TRPM7: variants seen among roughly 807,000 people sequenced by gnomAD.
TRPM7 encodes the protein transient receptor potential cation channel subfamily M member 7.
TRPM7 carries 134 observed loss-of-function variants against 229.7 expected under a neutral mutation model. The ratio of observed to expected loss-of-function variants is 0.58; its 90% CI spans 0.51 to 0.67. The LOEUF (loss-of-function observed/expected upper bound fraction) is 0.67, where lower values mean the gene tolerates loss of function less well. Ranked by LOEUF, TRPM7 falls within the 30% of genes least tolerant of loss-of-function variation. TRPM7 has a pLI of 0.00. For missense variants in TRPM7, 1,901 were observed against 2,210.0 expected, an observed-to-expected ratio of 0.86 and a Z score of 2.80; for synonymous variants, 699 against 715.2, an observed-to-expected ratio of 0.98 and a Z score of 0.36.
At chr15:50,598,993 A>G in intron 22 of TRPM7, 129 bp downstream of exon 22, 1 of 668,516 alleles carries the variant, frequency 1.5e-6, no homozygotes, top group Non-Finnish European at 2.5e-6. Flanking sequence ...GGAGTTCACT[A>G]ACGCCTTTGT....
intron 1 of TRPM7, among the ~76,000 whole-genome samples, chr15:50,667,594 C>G (rs1031708294): frequency 2.0e-5 from 3 of 152,196 alleles, no homozygotes; most frequent in African/African-American, 7.2e-5. Flanking sequence ...GTAATCCCAG[C>G]TGCTAGGGAA....
At chr15:50,649,844 G>A (rs925419441) in intron 3 of TRPM7, among the ~76,000 whole-genome samples, 2 of 152,164 alleles carry the variant, frequency 1.3e-5, no homozygotes, top group African/African-American at 4.8e-5. Flanking sequence ...AAAGAGGAGG[G>A]AGCTACAACG....
chr15:50,575,999 A>G, intron 31 of TRPM7, 80 bp from the exon 32 acceptor site: 1 of 1,398,830 alleles, frequency 7.1e-7, no homozygotes, highest in East Asian at 2.3e-5. Context: ...ATCTCATAAA[A>G]TCATTTTGAA....
chr15:50,589,888 C>T (rs1428689078), intron 26 of TRPM7, among the ~76,000 whole-genome samples: 3 of 130,142 alleles, frequency 2.3e-5, no homozygotes, highest in African/African-American at 5.1e-5. Context: ...GAACAAGTCT[C>T]GTTCTGTTGC....
chr15:50,645,669 G>A (rs1253388396), intron 4 of TRPM7, among the ~76,000 whole-genome samples: 2 of 152,084 alleles, frequency 1.3e-5, no homozygotes, highest in African/African-American at 2.4e-5. Context: ...TATCAGTTTT[G>A]TTTAACTCAT....
At chr15:50,670,577 A>C (rs72740470) in intron 1 of TRPM7, among the ~76,000 whole-genome samples, 4,767 of 152,186 alleles carry the variant, frequency 0.031, 103 homozygotes, top group Middle Eastern at 0.1. Context: ...AACATTCAGA[A>C]GTTACCCTAT....
At position 50,633,381 on chromosome 15, in the gene TRPM7, A is replaced by G. The variant is rs192830957; in HGVS notation, c.1008-389T>C. On this transcript the variant is annotated intron_variant, in intron 8 of 38. Transcript: ENST00000646667. ...ATACTTAATACATTTTCATGGCTCAAAAATAGTAGAAAACATAAAATGTTA... is the reference window on the plus strand; with the variant it reads ...ATACTTAATACATTTTCATGGCTCAGAAATAGTAGAAAACATAAAATGTTA... Among the ~76,000 whole-genome samples, 358 of 152,324 alleles carry G rather than the reference A, an allele frequency of 2.4e-3. 1 individual carries two copies. Among genetic ancestry groups the G allele is most frequent in the African/African-American group, 8.0e-3 (333 of 41,594 alleles).
chr15:50,561,818 A>C lies in TRPM7; in HGVS notation c.5468-10T>G. ...TCATTCCTCTTCAGATCTACATTGA[A>C]CACCCACAACAATTAAAAAAAAAAA... On this transcript the variant is annotated splice_polypyrimidine_tract_variant and intron_variant, in intron 38 of 38. Transcript: ENST00000646667. The C allele has an allele frequency of 6.6e-7, 1 of 1,522,288 alleles. No individual in the cohort carries two copies. Among genetic ancestry groups the C allele is most frequent in the Non-Finnish European group, 8.8e-7 (1 of 1,139,832 alleles). 94.3% of individuals were successfully genotyped at this position (1,522,288 alleles called of 1,614,324 possible).
At chr15:50,685,198 C>G (rs1322217615) in intron 1 of TRPM7, among the ~76,000 whole-genome samples, 1 of 152,212 alleles carries the variant, frequency 6.6e-6, no homozygotes, top group East Asian at 1.9e-4. Flanking sequence ...CGCGGTGGCT[C>G]ACGCCTGTAA....
At position 50,657,414 on chromosome 15, in the gene TRPM7, T is replaced by C. The variant is rs529242989; in HGVS notation, c.122+367A>G. 2.0e-5 allele frequency among the ~76,000 whole-genome samples: 3 copies of C among 152,338 alleles called. No homozygotes were observed. The South Asian group carries it at 6.2e-4, about 32-fold the overall frequency. ...TCAAAAGCATGTGCAACAAAAAGCC[T>C]TGTAGAGTAACTGAAACTCTCATTT... On this transcript the variant is annotated intron_variant, in intron 3 of 38. Transcript: ENST00000646667.
At chr15:50,576,446 T>A (rs1478973323) in intron 31 of TRPM7, among the ~76,000 whole-genome samples, 1 of 152,212 alleles carries the variant, frequency 6.6e-6, no homozygotes, top group East Asian at 1.9e-4. Context: ...AGAAACCTAC[T>A]GTCTTGCAGG....
At chr15:50,563,070 T>C (rs983815000) in intron 38 of TRPM7, among the ~76,000 whole-genome samples, 1 of 152,110 alleles carries the variant, frequency 6.6e-6, no homozygotes, top group Non-Finnish European at 1.5e-5. Context: ...CTAGTAGAAA[T>C]TGAGCTCAAG....
chr15:50,582,003 C>T (rs986420569), intron 29 of TRPM7, among the ~76,000 whole-genome samples: 1 of 152,096 alleles, frequency 6.6e-6, no homozygotes. Flanking sequence ...CACTCTGAAG[C>T]CCAGGCTGGA....
intron 23 of TRPM7, among the ~76,000 whole-genome samples, chr15:50,595,310 C>G (rs2059604257): frequency 6.6e-6 from 1 of 151,070 alleles, no homozygotes; most frequent in Non-Finnish European, 1.5e-5. Flanking sequence ...TGCAAAAGCC[C>G]TAAAAGTACA....
intron 1 of TRPM7, among the ~76,000 whole-genome samples, chr15:50,675,804 T>G (rs935026119): frequency 6.6e-6 from 1 of 152,206 alleles, no homozygotes; most frequent in Non-Finnish European, 1.5e-5. Flanking sequence ...AGTAACTATA[T>G]CCACAGAATG....
chr15:50,617,399 A>C (rs1199107860), intron 13 of TRPM7, among the ~76,000 whole-genome samples: 1 of 150,944 alleles, frequency 6.6e-6, no homozygotes, highest in East Asian at 1.9e-4. Context: ...GCTACTCGGG[A>C]GGCTGAGGCA....
intron 38 of TRPM7, among the ~76,000 whole-genome samples, chr15:50,567,778 A>G (rs974763170): frequency 1.3e-5 from 2 of 152,164 alleles, no homozygotes; most frequent in Non-Finnish European, 2.9e-5. Context: ...TATCCATTCA[A>G]GATAAATATT....
chr15:50,637,685 A>G, intron 6 of TRPM7, 92 bp from the exon 7 acceptor site: 1 of 1,143,910 alleles, frequency 8.7e-7, no homozygotes, highest in Non-Finnish European at 1.2e-6. Flanking sequence ...GACAAGTAAG[A>G]AGTAAAATTC....
intron 11 of TRPM7, among the ~76,000 whole-genome samples, 195 bp downstream of exon 11, chr15:50,627,954 C>CA (rs1302738873): frequency 6.6e-6 from 1 of 151,970 alleles, no homozygotes; most frequent in Non-Finnish European, 1.5e-5. Context: ...ATATACTCTA[C>CA]AAAAAAATAA....
Sources: allele counts gnomAD v4.1 joint callset (sites outside exome capture counted in the v4.1 genomes callset), GRCh38; gene constraint gnomAD v4.1.1; transcripts MANE v1.5; gene names NCBI Gene and HGNC (gene_info 2026-07-23, HGNC 2026-07-21).